Variants in KIF21A observed in about 807,000 individuals in gnomAD.
The protein encoded by KIF21A is kinesin-like protein KIF21A.
In KIF21A, 114 loss-of-function variants were observed where a neutral mutation model predicts 202.9. That is an observed-to-expected ratio of 0.56 (90% CI 0.48 to 0.66). The LOEUF (loss-of-function observed/expected upper bound fraction) is 0.66. Among genes scored for constraint, KIF21A ranks in the 30% least tolerant of loss-of-function variants. The pLI is 0.00. For synonymous variants in KIF21A, 667 were observed against 670.8 expected, an observed-to-expected ratio of 0.99 and a Z score of 0.09; for missense variants, 1,677 against 1,994.9, an observed-to-expected ratio of 0.84 and a Z score of 3.04.
chr12:39,339,977 C>A (rs1181118235), intron 16 of KIF21A, among the ~76,000 whole-genome samples, 188 bp downstream of exon 16: 1 of 152,136 alleles, frequency 6.6e-6, no homozygotes, highest in East Asian at 1.9e-4. Flanking sequence ...TTCAGCTACT[C>A]TGAAGAAAGG....
chr12:39,313,547 G>T (rs908899127), intron 31 of KIF21A, among the ~76,000 whole-genome samples: 1 of 151,800 alleles, frequency 6.6e-6, no homozygotes, highest in Non-Finnish European at 1.5e-5. Context: ...ATTTCCACAG[G>T]TAGTTGAAGA....
At chr12:39,343,610 T>C (rs1371505747) in intron 12 of KIF21A, among the ~76,000 whole-genome samples, 3 of 152,176 alleles carry the variant, frequency 2.0e-5, no homozygotes, top group African/African-American at 7.2e-5. Flanking sequence ...GCTATAACTT[T>C]AATGATTAAC....
chr12:39,367,817 A>C (rs1949699984), intron 4 of KIF21A, 66 bp downstream of exon 4: 5 of 1,237,214 alleles, frequency 4.0e-6, no homozygotes, highest in Non-Finnish European at 5.9e-6. Context: ...TAAGCAGATT[A>C]TCAGCAAAGC....
At chr12:39,438,823 T>A (rs1330442209) in intron 1 of KIF21A, among the ~76,000 whole-genome samples, 1 of 152,182 alleles carries the variant, frequency 6.6e-6, no homozygotes, top group Non-Finnish European at 1.5e-5. Context: ...TCAGAAGAGA[T>A]AAGGAAGAGA....
At chr12:39,402,102 G>A (rs1952211230) in intron 1 of KIF21A, among the ~76,000 whole-genome samples, 1 of 152,166 alleles carries the variant, frequency 6.6e-6, no homozygotes, top group Admixed American at 6.5e-5. Context: ...TGGGTAATTG[G>A]CAAAGGGATA....
In KIF21A at chr12:39,340,190, T is replaced by C. The variant is rs1196503556; in HGVS notation, c.2285A>G (p.Asp762Gly). Residue 762 changes from aspartate (D) to glycine (G), a missense_variant, in exon 16 of 38, where the codon GAT becomes GGT. Asp to Gly is a moderately conservative substitution (Grantham distance 94, BLOSUM62 -1). Transcript: ENST00000361418. ...YEKQLKKLQQ[D>G]VMEMKKTKVR... ...CTTTGTTTTTTTCATTTCCATCACA[T>C]CCTGCTGCAATTTCTTCAATTGCTT... 3 of 1,612,856 alleles carry C rather than the reference T, an allele frequency of 1.9e-6. No individual in the cohort carries two copies. The highest frequency in any genetic ancestry group is 3.3e-5 in the Admixed American group (2 of 59,908).
intron 1 of KIF21A, among the ~76,000 whole-genome samples, chr12:39,371,677 C>T (rs755643419): frequency 2.0e-4 from 31 of 152,188 alleles, no homozygotes; most frequent in South Asian, 4.1e-4. Flanking sequence ...CACAGTAACA[C>T]GCCTGTAATC....
intron 1 of KIF21A, among the ~76,000 whole-genome samples, chr12:39,386,382 T>C (rs775108124): frequency 5.5e-4 from 83 of 152,212 alleles, no homozygotes; most frequent in Non-Finnish European, 9.7e-4. Flanking sequence ...ATGGTACTTA[T>C]CAGTTCTGGA....
In KIF21A at chr12:39,298,587, TAACA is replaced by T. The variant is rs540326572; in HGVS notation, c.4931+2889_4931+2892del. 2.2e-3 allele frequency among the ~76,000 whole-genome samples: 340 copies of T among 152,218 alleles called. 1 individual carries two copies. The highest frequency in any genetic ancestry group is 3.6e-3 in the Non-Finnish European group (247 of 68,004). On this transcript the variant is annotated intron_variant, in intron 37 of 37. Coordinates refer to ENST00000361418, the MANE Select transcript of KIF21A (RefSeq NM_001173464.2). ...GAGTAATGGCTACTCTAGACCTACC[TAACA>T]AAGGTTAAAAACAAGTGTTAAAAAC...
At chr12:39,381,725 A>G (rs1447956648) in intron 1 of KIF21A, among the ~76,000 whole-genome samples, 3 of 152,216 alleles carry the variant, frequency 2.0e-5, no homozygotes, top group African/African-American at 4.8e-5. Context: ...CCAATGATCC[A>G]CACTCACAAT....
chr12:39,408,155 G>A (rs1458577759), intron 1 of KIF21A, among the ~76,000 whole-genome samples: 1 of 152,108 alleles, frequency 6.6e-6, no homozygotes, highest in African/African-American at 2.4e-5. Flanking sequence ...ACCAAGGACT[G>A]GTTTCGTGGA....
At chr12:39,395,842 C>CAAAAAA (rs747398067) in intron 1 of KIF21A, among the ~76,000 whole-genome samples, 1 of 84,966 alleles carries the variant, frequency 1.2e-5, no homozygotes, top group South Asian at 3.4e-4. Flanking sequence ...GACTCCGTCT[C>CAAAAAA]AAAAAAAAAA....
At chr12:39,426,926 TTACTGTCTGAGAAAGTAGC>T (rs1378239109) in intron 1 of KIF21A, among the ~76,000 whole-genome samples, 2 of 152,064 alleles carry the variant, frequency 1.3e-5, no homozygotes, top group Non-Finnish European at 2.9e-5. Context: ...AGAAATCGTT[TTACTGTCTGAGAAAGTAGC>T]TAATGTGATT....
chr12:39,343,838 T>C (rs1426122655), intron 12 of KIF21A, among the ~76,000 whole-genome samples: 2 of 152,182 alleles, frequency 1.3e-5, no homozygotes, highest in African/African-American at 2.4e-5. Flanking sequence ...ACATAATGAA[T>C]GTGAAGTAAG....
chr12:39,352,147 A>G (rs1017258762), intron 10 of KIF21A, among the ~76,000 whole-genome samples, 167 bp from the exon 11 acceptor site: 3 of 152,004 alleles, frequency 2.0e-5, no homozygotes, highest in Non-Finnish European at 4.4e-5. Flanking sequence ...GAAATTTTTT[A>G]TCTTCCCATA....
rs371442550 is a variant in KIF21A at position 39,351,858 on chromosome 12, T to C, written c.1592A>G (p.Asp531Gly). 50 of 1,610,048 alleles carry C rather than the reference T, an allele frequency of 3.1e-5. No homozygotes were observed. The highest frequency in any genetic ancestry group is 3.3e-4 in the Middle Eastern group (2 of 6,074). Residue 531 changes from aspartate (D) to glycine (G), a missense_variant, in exon 11 of 38, where the codon GAC (aspartate) becomes GGC (glycine). Coordinates refer to ENST00000361418, the MANE Select transcript of KIF21A (RefSeq NM_001173464.2). ...STFSPTILSS[D>G]KETIEIIDLA... is the part of the protein sequence containing the mutation. Reference sequence around the variant, plus strand: ...GTCTATAATTTCAATGGTTTCTTTGTCTGAGGATAGTATGGTAGGAGAAAA... The same window carrying C: ...GTCTATAATTTCAATGGTTTCTTTGCCTGAGGATAGTATGGTAGGAGAAAA...
intron 11 of KIF21A, among the ~76,000 whole-genome samples, chr12:39,349,628 T>C (rs1023350538): frequency 6.6e-6 from 1 of 152,100 alleles, no homozygotes; most frequent in Non-Finnish European, 1.5e-5. Flanking sequence ...AATGAGGGCT[T>C]ACCTACATTT....
intron 32 of KIF21A, among the ~76,000 whole-genome samples, chr12:39,311,098 C>T (rs1302410581): frequency 6.6e-6 from 1 of 151,902 alleles, no homozygotes; most frequent in East Asian, 1.9e-4. Context: ...TATTCTCTTT[C>T]CCATATTGTA....
chr12:39,406,869 C>T (rs187397549), intron 1 of KIF21A, among the ~76,000 whole-genome samples: 187 of 152,324 alleles, frequency 1.2e-3, no homozygotes, highest in Non-Finnish European at 2.3e-3. Flanking sequence ...TAATTCACTG[C>T]TTCTTCTATA....
Sources: gnomAD v4.1 joint callset for allele counts (sites outside exome capture counted in the v4.1 genomes callset) on GRCh38, gnomAD v4.1.1 for gene constraint, MANE v1.5 for transcripts, NCBI Gene and HGNC (gene_info 2026-07-23, HGNC 2026-07-21) for gene names.